The following NAAA variants were observed in gnomAD, a reference collection of about 807,000 sequenced individuals.
NAAA encodes the protein N-acylethanolamine acid amidase.
Under a neutral mutation model 44.8 loss-of-function variants are expected in NAAA, and 39 were observed. The observed-to-expected ratio is 0.87, with a 90% CI of 0.67 to 1.14. NAAA has a LOEUF of 1.14. NAAA is among the 50% of genes most tolerant of loss of function. The pLI is 0.00. For synonymous variants in NAAA, 178 were observed against 191.3 expected, an observed-to-expected ratio of 0.93 and a Z score of 0.58; for missense variants, 460 against 467.8, an observed-to-expected ratio of 0.98 and a Z score of 0.15.
intron 2 of NAAA, among the ~76,000 whole-genome samples, chr4:75,937,836 G>A (rs541655408): frequency 2.6e-5 from 4 of 152,310 alleles, no homozygotes; most frequent in East Asian, 1.9e-4. Context: ...GGTCAGGGAG[G>A]GGACTGGTAA....
At chr4:75,912,402 A>C (rs1471304161), downstream of NAAA, among the ~76,000 whole-genome samples, 1 of 151,882 alleles carries the variant, frequency 6.6e-6, no homozygotes, top group African/African-American at 2.4e-5. Flanking sequence ...AAAACACCAA[A>C]AATTAGCCGG....
chr4:75,913,657 A>G (rs1189064218), downstream of NAAA: 2 of 978,792 alleles, frequency 2.0e-6, no homozygotes, highest in Non-Finnish European at 2.4e-6. Flanking sequence ...GCATAACGCT[A>G]AGTTTCTTGG....
At chr4:75,933,874 A>G (rs546666984) in intron 3 of NAAA, among the ~76,000 whole-genome samples, 5 of 151,896 alleles carry the variant, frequency 3.3e-5, no homozygotes, top group Non-Finnish European at 7.4e-5. Flanking sequence ...TGCTAAAAAT[A>G]CAAAAATTAG....
chr4:75,910,736 A>T (rs189013601), downstream of NAAA, among the ~76,000 whole-genome samples: 31 of 152,330 alleles, frequency 2.0e-4, no homozygotes, highest in African/African-American at 6.7e-4. Flanking sequence ...AGCACAACAA[A>T]TCCCAAGCAG....
chr4:75,935,548 T>C (rs1727630484), intron 3 of NAAA: 1 of 152,784 alleles, frequency 6.5e-6, no homozygotes, highest in African/African-American at 2.4e-5. Context: ...ACTTGCAGAA[T>C]GAAGGACCAT....
At chr4:75,923,173 T>C (rs1179777491) in intron 5 of NAAA, among the ~76,000 whole-genome samples, 4 of 152,162 alleles carry the variant, frequency 2.6e-5, no homozygotes, top group Admixed American at 6.5e-5. Context: ...CTCCTGAGTG[T>C]CTGGGACTGC....
intron 4 of NAAA, among the ~76,000 whole-genome samples, chr4:75,927,819 G>C (rs1726873673): frequency 6.6e-6 from 1 of 151,714 alleles, no homozygotes; most frequent in African/African-American, 2.4e-5. Context: ...CAAAGGACTT[G>C]AATAGATATT....
At chr4:75,926,315 C>T (rs1726682155) in intron 4 of NAAA, among the ~76,000 whole-genome samples, 1 of 152,092 alleles carries the variant, frequency 6.6e-6, no homozygotes, top group African/African-American at 2.4e-5. Context: ...AATCCCAGCA[C>T]TTTGGGAGGC....
At chr4:75,915,057 A>G in intron 9 of NAAA, 72 bp from the exon 10 acceptor site, 1 of 1,126,084 alleles carries the variant, frequency 8.9e-7, no homozygotes, top group South Asian at 1.2e-5. Context: ...AAAATGACCA[A>G]GTGCTTCCCT....
At chr4:75,930,725 C>T (rs1727154749) in intron 4 of NAAA, among the ~76,000 whole-genome samples, 1 of 152,202 alleles carries the variant, frequency 6.6e-6, no homozygotes, top group Non-Finnish European at 1.5e-5. Flanking sequence ...TGCTTAAAAA[C>T]CAAACTCTTC....
chr4:75,920,992 A>G lies in NAAA; in HGVS notation c.798T>C (p.Asp266=), dbSNP rs773221057. Residue 266 remains aspartate, a synonymous_variant, in exon 6 of 11, where the codon GAT becomes GAC. Transcript: ENST00000286733. ...REGVVITRNR[D]GPADIWPLDP... The stretch of plus-strand genomic sequence containing the variant: ...CTAGAGGCCAAATGTCTGCTGGGCC[A>G]TCTCTGTTCCTCGTGATGACCACCC... The G allele has an allele frequency of 2.5e-6, 4 of 1,612,106 alleles. No individual in the cohort carries two copies. In the East Asian group the frequency reaches 6.7e-5, roughly 27 times the overall value.
At chr4:75,916,501 C>A (rs1192668604) in intron 9 of NAAA, 1 of 152,190 alleles carries the variant, frequency 6.6e-6, no homozygotes, top group African/African-American at 2.4e-5. Context: ...ACATTCATAA[C>A]TGTTAACTCA....
chr4:75,917,776 TAAAAAAA>T lies in NAAA; in HGVS notation c.998+978_998+984del, dbSNP rs34444403. 1.3e-3 allele frequency: 487 copies of T among 372,420 alleles called. 1 individual carries two copies. The highest frequency in any genetic ancestry group is 0.011 in the African/African-American group (462 of 41,130). The allele number at this position is 372,420 out of a possible 1,614,324, so 23.1% of individuals were successfully genotyped here. A position where few individuals can be genotyped will look rare whatever the true frequency, so the allele number is the denominator to read the frequency against. On this transcript the variant is annotated intron_variant, in intron 9 of 10. Coordinates refer to ENST00000286733, the MANE Select transcript of NAAA (RefSeq NM_014435.4). ...CCACCGCACCTGGCCTGCTTTCACT[TAAAAAAA>T]AAAAAAAAAGAAAAAGAAATTAAAA...
At chr4:75,917,171 G>T in intron 9 of NAAA, 1 of 802,878 alleles carries the variant, frequency 1.2e-6, no homozygotes, top group Non-Finnish European at 1.5e-6. Context: ...CTATTAAAAG[G>T]GCAACATTGT....
intron 10 of NAAA, 56 bp from the exon 11 acceptor site, chr4:75,914,394 T>A (rs544817201): frequency 1.8e-5 from 12 of 672,124 alleles, no homozygotes; most frequent in East Asian, 2.7e-4. Context: ...TTTTTTTTTT[T>A]AATGGAGTCT....
Position 75,916,437 on chromosome 4 carries a change from G to A in NAAA, c.999-1452C>T, listed in dbSNP as rs545107116. On this transcript the variant is annotated intron_variant, in intron 9 of 10. Coordinates refer to ENST00000286733, the MANE Select transcript of NAAA (RefSeq NM_014435.4). ...AGAGAAAAACACTACTTGGTAAACT[G>A]TTTATAATTTCTAACAATTTTATTT... is the stretch of plus-strand genomic sequence containing the variant. 35 of 152,242 alleles carry A rather than the reference G, an allele frequency of 2.3e-4. 1 individual carries two copies. In the South Asian group the frequency reaches 5.0e-3, roughly 22 times the overall value. The allele number at this position is 152,242 out of a possible 1,614,324, so 9.4% of individuals were successfully genotyped here. A position where few individuals can be genotyped will look rare whatever the true frequency, so the allele number is the denominator to read the frequency against.
At chr4:75,924,346 G>A (rs558257454) in intron 5 of NAAA, among the ~76,000 whole-genome samples, 1 of 152,364 alleles carries the variant, frequency 6.6e-6, no homozygotes, top group Non-Finnish European at 1.5e-5. Context: ...CAAGCACTGA[G>A]ATGCGTAACA....
In NAAA at chr4:75,920,723, C is replaced by T; in HGVS notation, c.902+15G>A. ...TAAGAAAACACTGCAAACCAGAAAG[C>T]ACGTAGCAGCCTACCTCCGGTCATC... On this transcript the variant is annotated intron_variant, in intron 7 of 10. Transcript: ENST00000286733. 2 of 1,614,194 alleles carry T rather than the reference C, an allele frequency of 1.2e-6. No homozygotes were observed. Among genetic ancestry groups the T allele is most frequent in the Non-Finnish European group, 1.7e-6 (2 of 1,180,020 alleles).
At chr4:75,921,523 T>A (rs1162018162) in intron 5 of NAAA, among the ~76,000 whole-genome samples, 1 of 152,060 alleles carries the variant, frequency 6.6e-6, no homozygotes, top group Non-Finnish European at 1.5e-5. Flanking sequence ...AGTGAATGAG[T>A]CGCCTGGTCC....
Sources: allele counts gnomAD v4.1 joint callset (sites outside exome capture counted in the v4.1 genomes callset), GRCh38; gene constraint gnomAD v4.1.1; transcripts MANE v1.5; gene names NCBI Gene and HGNC (gene_info 2026-07-23, HGNC 2026-07-21).